The following CD247 variants were observed in gnomAD, a reference collection of about 807,000 sequenced individuals.
CD247 encodes T-cell surface glycoprotein CD3 zeta chain.
Under a neutral mutation model 30.0 loss-of-function variants are expected in CD247, and 13 were observed. That is an observed-to-expected ratio of 0.43 (90% CI 0.28 to 0.69). CD247 has a LOEUF of 0.69. Among genes scored for constraint, CD247 ranks in the 30% least tolerant of loss-of-function variants. The pLI, the probability that CD247 is intolerant of heterozygous loss-of-function variation, is 0.16. For synonymous variants in CD247, 72 were observed against 80.0 expected (o/e 0.90, Z 0.53); for missense variants, 193 against 212.6 (o/e 0.91, Z 0.57).
At chr1:167,487,231 GC>G (rs1473564791) in intron 1 of CD247, among the ~76,000 whole-genome samples, 1 of 151,712 alleles carries the variant, frequency 6.6e-6, no homozygotes, top group Non-Finnish European at 1.5e-5. Context: ...ACAAAAATTA[GC>G]CAGGCATGGT....
chr1:167,438,277 C>G (rs149854153), intron 4 of CD247, among the ~76,000 whole-genome samples: 465 of 152,300 alleles, frequency 3.1e-3, no homozygotes, highest in Non-Finnish European at 5.3e-3. Context: ...ATGGCGTCAC[C>G]GTATGTGCAT....
chr1:167,490,819 G>A (rs1200547785), intron 1 of CD247, among the ~76,000 whole-genome samples: 2 of 152,032 alleles, frequency 1.3e-5, no homozygotes, highest in East Asian at 3.9e-4. Flanking sequence ...GGACGCTGAA[G>A]CAGGAGAATC....
intron 4 of CD247, 146 bp downstream of exon 4, chr1:167,438,424 T>C (rs926285738): frequency 1.4e-6 from 1 of 738,172 alleles, no homozygotes. Flanking sequence ...CGGCAGCAAG[T>C]GGGTCTCCAT....
chr1:167,439,171 T>C (rs1651690885), intron 3 of CD247, among the ~76,000 whole-genome samples, 173 bp downstream of exon 3: 2 of 152,100 alleles, frequency 1.3e-5, no homozygotes, highest in African/African-American at 4.8e-5. Flanking sequence ...ACAGGTACAA[T>C]TACTACACCT....
At chr1:167,474,690 A>G (rs1653671957) in intron 1 of CD247, among the ~76,000 whole-genome samples, 1 of 151,248 alleles carries the variant, frequency 6.6e-6, no homozygotes, top group Non-Finnish European at 1.5e-5. Context: ...AGAGGCTCCC[A>G]CTGGCCAACG....
At position 167,494,756 on chromosome 1, in the gene CD247, T is replaced by C. The variant is rs772971386; in HGVS notation, c.58+23652A>G. 2.0e-5 allele frequency among the ~76,000 whole-genome samples: 3 copies of C among 152,206 alleles called. No homozygotes were observed. Among genetic ancestry groups the C allele is most frequent in the Non-Finnish European group, 4.4e-5 (3 of 68,032 alleles). On this transcript the variant is annotated intron_variant, in intron 1 of 7. Transcript: ENST00000362089. The surrounding 1 kb of genome is among the most constrained non-coding windows in gnomAD (Gnocchi z 7.3). ...TTCCTGGATACAGATAAATGTTTAT[T>C]AAAGAATGTGAAGGTCTCATCAAAA...
At chr1:167,497,278 AT>A (rs1558027469) in intron 1 of CD247, among the ~76,000 whole-genome samples, 1 of 152,228 alleles carries the variant, frequency 6.6e-6, no homozygotes, top group African/African-American at 2.4e-5. Context: ...TGGGGGTAAC[AT>A]TTTTTAAAAT....
At chr1:167,508,034 C>T (rs539951758) in intron 1 of CD247, among the ~76,000 whole-genome samples, 1 of 152,202 alleles carries the variant, frequency 6.6e-6, no homozygotes, top group East Asian at 1.9e-4. Context: ...TCTTCCAAAC[C>T]GACAAAATCA....
chr1:167,493,612 A>C (rs2102083289), intron 1 of CD247, among the ~76,000 whole-genome samples: 1 of 152,304 alleles, frequency 6.6e-6, no homozygotes, highest in Non-Finnish European at 1.5e-5. Flanking sequence ...TAACTTGTCC[A>C]AGATCACACA....
chr1:167,460,375 C>A (rs1652937303), intron 1 of CD247, among the ~76,000 whole-genome samples: 1 of 152,052 alleles, frequency 6.6e-6, no homozygotes, highest in Admixed American at 6.5e-5. Flanking sequence ...TACACTCCAG[C>A]CTGAGTGACA....
At chr1:167,472,868 C>T (rs1483017560) in intron 1 of CD247, among the ~76,000 whole-genome samples, 2 of 152,068 alleles carry the variant, frequency 1.3e-5, no homozygotes, top group Non-Finnish European at 2.9e-5. Context: ...GCCTAGTGAC[C>T]CCCATGGCCT....
chr1:167,502,991 T>C (rs888345796), intron 1 of CD247, among the ~76,000 whole-genome samples: 32 of 152,190 alleles, frequency 2.1e-4, no homozygotes, highest in African/African-American at 7.7e-4. Flanking sequence ...TGTGGCACTT[T>C]GTTAAGGCAG....
At chr1:167,460,004 T>C (rs1652918620) in intron 1 of CD247, 1 of 152,220 alleles carries the variant, frequency 6.6e-6, no homozygotes, top group African/African-American at 2.4e-5. Context: ...TCAGGTAGGT[T>C]TTCCCCGAAT....
chr1:167,515,739 T>C (rs184691886), intron 1 of CD247, among the ~76,000 whole-genome samples: 6 of 152,350 alleles, frequency 3.9e-5, no homozygotes, highest in Admixed American at 3.9e-4. Context: ...ATGAGTTGGA[T>C]TGCAACAGAT....
In CD247 at chr1:167,431,334, C is replaced by G. The variant is rs1651255633; in HGVS notation, c.*347G>C. 3.4e-6 allele frequency: 2 copies of G among 592,156 alleles called. No homozygotes were observed. Among genetic ancestry groups the G allele is most frequent in the Non-Finnish European group, 6.0e-6 (2 of 333,470 alleles). The allele number at this position is 592,156 out of a possible 1,614,324, so 36.7% of individuals were successfully genotyped here. A position where few individuals can be genotyped will look rare whatever the true frequency, so the allele number is the denominator to read the frequency against. ...GGGCATGTGCTAGCATCTGCGCTTT[C>G]TCTGGGGACTTTACAAAACAGACTC... On this transcript the variant is annotated 3_prime_UTR_variant, in exon 8 of 8. Coordinates refer to ENST00000362089, the MANE Select transcript of CD247 (RefSeq NM_198053.3).
chr1:167,498,595 T>A (rs1015024023), intron 1 of CD247, among the ~76,000 whole-genome samples: 1 of 152,232 alleles, frequency 6.6e-6, no homozygotes, highest in Non-Finnish European at 1.5e-5. Flanking sequence ...CCTAGCTCCA[T>A]CTGGGCCCAT....
chr1:167,455,492 G>A (rs1283503458), intron 1 of CD247, among the ~76,000 whole-genome samples: 2 of 152,214 alleles, frequency 1.3e-5, no homozygotes, highest in African/African-American at 2.4e-5. Flanking sequence ...TGCAGCCAAG[G>A]TGGGCTCCCA....
At chr1:167,460,329 G>A (rs563708235) in intron 1 of CD247, among the ~76,000 whole-genome samples, 21 of 152,180 alleles carry the variant, frequency 1.4e-4, no homozygotes, top group Non-Finnish European at 2.4e-4. Flanking sequence ...CTGAGCCCGA[G>A]GAGGTCCAGG....
intron 1 of CD247, among the ~76,000 whole-genome samples, chr1:167,503,904 G>A (rs1406727892): frequency 2.0e-5 from 3 of 152,192 alleles, no homozygotes; most frequent in African/African-American, 7.2e-5. Flanking sequence ...AGGGATTAGA[G>A]TCACGGCTGG....
Sources: allele counts gnomAD v4.1 joint callset (sites outside exome capture counted in the v4.1 genomes callset), GRCh38; gene constraint gnomAD v4.1.1; non-coding constraint Gnocchi (gnomAD v3.1); transcripts MANE v1.5; gene names NCBI Gene and HGNC (gene_info 2026-07-23, HGNC 2026-07-21).